ZSCAN25: variants seen among roughly 807,000 people sequenced by gnomAD.
ZSCAN25 encodes zinc finger and SCAN domain containing 25, also known as zinc finger and SCAN domain-containing protein 25.
Under a neutral mutation model 38.7 loss-of-function variants are expected in ZSCAN25, and 27 were observed. The ratio of observed to expected loss-of-function variants is 0.70; its 90% CI spans 0.51 to 0.96. ZSCAN25 has a LOEUF of 0.96. ZSCAN25 is among the 40% of genes least tolerant of loss of function. The pLI is 0.00. For synonymous variants in ZSCAN25, 273 were observed against 277.7 expected (o/e 0.98, Z 0.17); for missense variants, 637 against 705.9 (o/e 0.90, Z 1.11).
chr7:99,701,311 T>A, the ZSCAN25 span, among the ~76,000 whole-genome samples: 6 of 152,238 alleles, frequency 3.9e-5, no homozygotes, highest in Non-Finnish European at 8.8e-5. Flanking sequence ...TGAATTGTAC[T>A]CCATTGTGCA....
chr7:99,624,702 G>A (rs544159931), intron 7 of ZSCAN25, among the ~76,000 whole-genome samples: 3 of 152,298 alleles, frequency 2.0e-5, no homozygotes, highest in South Asian at 2.1e-4. Context: ...GCAGAGCTGC[G>A]CTGGGACTCA....
the ZSCAN25 span, chr7:99,674,353 A>T: frequency 2.1e-6 from 1 of 486,620 alleles, no homozygotes; most frequent in Non-Finnish European, 3.7e-6. Context: ...CGGCAAGCAG[A>T]TTCCCATTGC....
At chr7:99,620,414 T>C (rs1359447488) in intron 4 of ZSCAN25, 4 of 170,640 alleles carry the variant, frequency 2.3e-5, no homozygotes, top group Admixed American at 1.7e-4. Context: ...CTGTGGCTCA[T>C]AGGGCTCCTG....
the ZSCAN25 span, among the ~76,000 whole-genome samples, chr7:99,639,267 C>A: frequency 6.6e-6 from 1 of 152,236 alleles, no homozygotes. Flanking sequence ...GAGAGAAGGA[C>A]TGGAACTCCA....
downstream of ZSCAN25, among the ~76,000 whole-genome samples, chr7:99,632,881 T>C (rs939933582): frequency 6.6e-6 from 1 of 152,240 alleles, no homozygotes. Context: ...GCTTTGTCTC[T>C]TAAGGCTTAT....
the ZSCAN25 span, chr7:99,720,712 TGGTGCATACATG>T: frequency 3.0e-6 from 1 of 338,524 alleles, no homozygotes; most frequent in South Asian, 3.5e-5. Context: ...TTAAGCTGGG[TGGTGCATACATG>T]GGTATTTCCC....
chr7:99,710,584 C>T, the ZSCAN25 span: 1 of 1,447,624 alleles, frequency 6.9e-7, no homozygotes, highest in Non-Finnish European at 9.2e-7. Context: ...CCTATGCTTC[C>T]TTCTTTTTAT....
chr7:99,647,916 A>G, the ZSCAN25 span: 12 of 982,870 alleles, frequency 1.2e-5, no homozygotes, highest in Middle Eastern at 5.2e-4. Context: ...ATAAAACGTG[A>G]TATAAATGTC....
chr7:99,630,151 A>G lies in ZSCAN25; in HGVS notation c.*131A>G, dbSNP rs1584372101. On this transcript the variant is annotated 3_prime_UTR_variant, in exon 8 of 8. Coordinates refer to ENST00000394152, the MANE Select transcript of ZSCAN25 (RefSeq NM_145115.3). Reference sequence around the variant, plus strand: ...CCCATTCGCCAACGCGGGAAAGGCAAGGCCTGGCTTACTTAGAGCTTCCAG... The same window carrying G: ...CCCATTCGCCAACGCGGGAAAGGCAGGGCCTGGCTTACTTAGAGCTTCCAG... 2 of 1,404,228 alleles carry G rather than the reference A, an allele frequency of 1.4e-6. No individual in the cohort carries two copies. Among genetic ancestry groups the G allele is most frequent in the Admixed American group, 6.1e-5 (2 of 32,704 alleles). The allele number at this position is 1,404,228 out of a possible 1,614,324, so 87.0% of individuals were successfully genotyped here. A position where few individuals can be genotyped will look rare whatever the true frequency, so the allele number is the denominator to read the frequency against.
intron 1 of ZSCAN25, among the ~76,000 whole-genome samples, chr7:99,617,267 G>T (rs111431937): frequency 5.9e-5 from 9 of 152,354 alleles, no homozygotes; most frequent in African/African-American, 1.9e-4. Context: ...ATCCCGCTCT[G>T]CCAGGCTTGG....
At chr7:99,709,850 G>T in the ZSCAN25 span, among the ~76,000 whole-genome samples, 1 of 151,910 alleles carries the variant, frequency 6.6e-6, no homozygotes, top group Non-Finnish European at 1.5e-5. Context: ...ATAAAATGTG[G>T]AGAGAAACAC....
At chr7:99,655,363 A>G in the ZSCAN25 span, among the ~76,000 whole-genome samples, 1 of 152,134 alleles carries the variant, frequency 6.6e-6, no homozygotes, top group African/African-American at 2.4e-5. Context: ...TGTTTTTGTC[A>G]GGTTTGTCAA....
chr7:99,645,696 T>C, the ZSCAN25 span, among the ~76,000 whole-genome samples: 26 of 152,136 alleles, frequency 1.7e-4, no homozygotes, highest in African/African-American at 5.8e-4. Flanking sequence ...TGCACTTCTC[T>C]AGTAATCAGT....
intron 4 of ZSCAN25, chr7:99,621,057 A>AT (rs1019519804): frequency 5.1e-4 from 103 of 202,688 alleles, no homozygotes; most frequent in Middle Eastern, 1.7e-3. Flanking sequence ...TCAATTAGGA[A>AT]TTTTTTTTTC....
Position 99,619,767 on chromosome 7 carries a change from C to A in ZSCAN25, c.161C>A (p.Ala54Asp). 6.2e-7 allele frequency: 1 copy of A among 1,614,244 alleles called. No homozygotes were observed. Among genetic ancestry groups the A allele is most frequent in the Non-Finnish European group, 8.5e-7 (1 of 1,180,040 alleles). The part of the protein sequence containing the change: ...RFRQFRYQEA[A>D]GPQEALRELQ... The stretch of plus-strand genomic sequence containing the variant: ...CGGCAGTTCCGCTACCAGGAGGCAG[C>A]TGGACCCCAGGAAGCTCTTAGGGAG... The change falls in exon 4 of 8, where the codon GCT becomes GAT. Residue 54 changes from alanine to aspartate, a missense_variant. Physicochemically the swap from Ala to Asp is moderately radical, Grantham distance 126. Transcript: ENST00000394152.
the ZSCAN25 span, chr7:99,722,345 A>G: frequency 2.2e-5 from 36 of 1,613,572 alleles, no homozygotes; most frequent in Non-Finnish European, 2.5e-5. Flanking sequence ...AACGTCCAAT[A>G]GCCCTGGGAG....
the ZSCAN25 span, among the ~76,000 whole-genome samples, chr7:99,723,141 GTGGTGGGTTTCAGGCCTCTTAGCCCAA>G: frequency 1.3e-5 from 2 of 152,176 alleles, no homozygotes; most frequent in African/African-American, 2.4e-5. Flanking sequence ...ACATGGGAAA[GTGGTGGGTTTCAGGCCTCTTAGCCCAA>G]GCCTGCATGG....
At chr7:99,700,230 T>A in the ZSCAN25 span, among the ~76,000 whole-genome samples, 52 of 152,304 alleles carry the variant, frequency 3.4e-4, no homozygotes, top group Non-Finnish European at 5.9e-4. Flanking sequence ...ACCCCTTTGC[T>A]TACCTCCTTT....
At chr7:99,705,441 G>T in the ZSCAN25 span, 1 of 1,563,814 alleles carries the variant, frequency 6.4e-7, no homozygotes, top group Non-Finnish European at 8.8e-7. Context: ...GTAATTTGAG[G>T]TCTCTGGTGT....
Sources: gnomAD v4.1 joint callset for allele counts (sites outside exome capture counted in the v4.1 genomes callset) on GRCh38, gnomAD v4.1.1 for gene constraint, MANE v1.5 for transcripts, NCBI Gene and HGNC (gene_info 2026-07-23, HGNC 2026-07-21) for gene names.